PTCHD1: variants seen among roughly 807,000 people sequenced by gnomAD.
PTCHD1 encodes the protein patched domain containing 1.
In PTCHD1, 3 loss-of-function variants were observed where a neutral mutation model predicts 34.6. The ratio of observed to expected loss-of-function variants is 0.09; its 90% CI spans 0.04 to 0.22. The LOEUF is 0.22. Among genes scored for constraint, PTCHD1 ranks in the 10% least tolerant of loss-of-function variants. PTCHD1 has a pLI of 1.00. For missense variants in PTCHD1, 504 were observed against 685.5 expected, an observed-to-expected ratio of 0.74 and a Z score of 2.96; for synonymous variants, 305 against 283.1, an observed-to-expected ratio of 1.08 and a Z score of -0.77.
chrX:23,372,690 A>G (rs940261747), intron 1 of PTCHD1, among the ~76,000 whole-genome samples: 1 of 111,306 alleles, frequency 9.0e-6, no homozygotes, highest in African/African-American at 3.3e-5. Flanking sequence ...CCCAAGCCCA[A>G]ACATTTGGTT....
rs1923187704 is a variant in PTCHD1 at position 23,404,334 on chromosome X, T to A, written c.*10149T>A. 8.9e-6 allele frequency: 1 copy of A among 112,125 alleles called. No homozygotes were observed. The highest frequency in any genetic ancestry group is 9.5e-5 in the Admixed American group (1 of 10,565). 9.2% of individuals were successfully genotyped at this position (112,125 alleles called of 1,213,427 possible). A position where few individuals can be genotyped will look rare whatever the true frequency, so the allele number is the denominator to read the frequency against. ...GGATACAATGTGATGTTTTGATATATGTATGCATTGTGGAATGATTAAATC... is the reference window on the plus strand; with the variant it reads ...GGATACAATGTGATGTTTTGATATAAGTATGCATTGTGGAATGATTAAATC... On this transcript the variant is annotated 3_prime_UTR_variant, in exon 3 of 3. Coordinates refer to ENST00000379361, the MANE Select transcript of PTCHD1 (RefSeq NM_173495.3).
chrX:23,370,493 GAGA>G (rs1454617161), intron 1 of PTCHD1, among the ~76,000 whole-genome samples: 1 of 112,200 alleles, frequency 8.9e-6, no homozygotes, highest in Non-Finnish European at 1.9e-5. Context: ...CTTGAGAACA[GAGA>G]AGAATTATTG....
chrX:23,335,378 C>T (rs1921140495), intron 1 of PTCHD1, 152 bp downstream of exon 1: 1 of 485,369 alleles, frequency 2.1e-6, no homozygotes, highest in East Asian at 3.7e-5. Flanking sequence ...GGGCGGCCGA[C>T]TGGAGCCTCC....
Position 23,393,238 on chromosome X carries a change from G to T in PTCHD1, c.1720G>T (p.Asp574Tyr). 8.3e-7 allele frequency: 1 copy of T among 1,208,637 alleles called. No homozygotes were observed. The highest frequency in any genetic ancestry group is 1.1e-6 in the Non-Finnish European group (1 of 892,579). Residue 574 changes from aspartate (D) to tyrosine (Y), a missense_variant, in exon 3 of 3, where the codon GAT becomes TAT. Transcript: ENST00000379361. ...ATACTGGAACACTAGTGTCCAAGAA[G>T]ATGTTCTAGAATACACCAAGGGGTT... The part of the protein sequence containing the change: ...IEYWNTSVQE[D>Y]VLEYTKGFVR...
chrX:23,372,277 G>T (rs1922301590), intron 1 of PTCHD1, among the ~76,000 whole-genome samples: 1 of 109,667 alleles, frequency 9.1e-6, no homozygotes, highest in South Asian at 4.1e-4. Context: ...TTAAGTGTCT[G>T]GAAGAAGAAT....
rs761901429 is a variant in PTCHD1 at position 23,377,001 on chromosome X, G to A, written c.352-2590G>A. Among the ~76,000 whole-genome samples, 3 of 112,013 alleles carry A rather than the reference G, an allele frequency of 2.7e-5. No homozygotes were observed. The South Asian group carries it at 1.1e-3, about 42-fold the overall frequency. On this transcript the variant is annotated intron_variant, in intron 1 of 2. Coordinates refer to ENST00000379361, the MANE Select transcript of PTCHD1 (RefSeq NM_173495.3). ...TAACATGGTGTCTGTTTTCTTCGAT[G>A]TATGGTCCTGGGGTCATAGCAGTAG...
rs1923133592 is a variant in PTCHD1, at chrX:23,401,921, A to G, written c.*7736A>G. 8.9e-6 allele frequency: 1 copy of G among 112,779 alleles called. No homozygotes were observed. The highest frequency in any genetic ancestry group is 1.9e-5 in the Non-Finnish European group (1 of 53,341). 9.3% of individuals were successfully genotyped at this position (112,779 alleles called of 1,213,427 possible). ...AACAGTTTCACAGTGGGAAAATTGC[A>G]TTTGTTGGAATTTTCCAAGTCATAA... On this transcript the variant is annotated 3_prime_UTR_variant, in exon 3 of 3. Transcript: ENST00000379361.
chrX:23,387,666 A>C (rs1220224996), intron 2 of PTCHD1, among the ~76,000 whole-genome samples: 1 of 111,519 alleles, frequency 9.0e-6, no homozygotes, highest in East Asian at 2.8e-4. Context: ...GCCTGACAAA[A>C]ACCTCGAGCT....
Position 23,347,865 on chromosome X carries a change from CAG to C in PTCHD1, c.351+12640_351+12641del, listed in dbSNP as rs778727812. 2.8e-4 allele frequency among the ~76,000 whole-genome samples: 31 copies of C among 111,368 alleles called. No individual in the cohort carries two copies. In the East Asian group the frequency reaches 8.2e-3, roughly 29 times the overall value. On this transcript the variant is annotated intron_variant, in intron 1 of 2. Transcript: ENST00000379361. ...TACAAAAAAATTTAAAAAATATTAA[CAG>C]GGCATGGTGGTACATGCCTGTAGTC... is the stretch of plus-strand genomic sequence containing the variant.
At chrX:23,347,219 C>T (rs1450210180) in intron 1 of PTCHD1, among the ~76,000 whole-genome samples, 3 of 111,759 alleles carry the variant, frequency 2.7e-5, no homozygotes, top group African/African-American at 9.8e-5. Flanking sequence ...GAATAGAAGA[C>T]AGGAAAAAAC....
Position 23,404,033 on chromosome X carries a change from C to G in PTCHD1, c.*9848C>G, listed in dbSNP as rs1468536650. 5 of 112,271 alleles carry G rather than the reference C, an allele frequency of 4.5e-5. No homozygotes were observed. Among genetic ancestry groups the G allele is most frequent in the Non-Finnish European group, 9.4e-5 (5 of 53,267 alleles). 9.3% of individuals were successfully genotyped at this position (112,271 alleles called of 1,213,427 possible). A position where few individuals can be genotyped will look rare whatever the true frequency, so the allele number is the denominator to read the frequency against. On this transcript the variant is annotated 3_prime_UTR_variant, in exon 3 of 3. Transcript: ENST00000379361. ...TGGCAATTCCACCGTTCCTCTCCAT[C>G]TGACCAGCTTTCACCAGAGGGCGAT...
intron 2 of PTCHD1, among the ~76,000 whole-genome samples, chrX:23,391,222 A>G (rs188053290): frequency 8.9e-6 from 1 of 111,763 alleles, no homozygotes. Context: ...CAGGAGGCGA[A>G]GGCACTAAGC....
intron 1 of PTCHD1, among the ~76,000 whole-genome samples, chrX:23,365,700 G>A (rs779483544): frequency 1.2e-4 from 13 of 111,677 alleles, no homozygotes; most frequent in Non-Finnish European, 1.9e-4. Flanking sequence ...TGCTCCTAAG[G>A]AGTGTTAATT....
At chrX:23,390,238 G>A (rs1400516232) in intron 2 of PTCHD1, among the ~76,000 whole-genome samples, 1 of 106,739 alleles carries the variant, frequency 9.4e-6, no homozygotes. Flanking sequence ...TTTCTGGCAA[G>A]TAAATATCAT....
chrX:23,366,273 G>T (rs1385833091), intron 1 of PTCHD1, among the ~76,000 whole-genome samples: 1 of 111,685 alleles, frequency 9.0e-6, no homozygotes. Context: ...CACACTGCAG[G>T]CAGACTGAAC....
At chrX:23,360,840 TTTG>T (rs1376145728) in intron 1 of PTCHD1, among the ~76,000 whole-genome samples, 1 of 112,522 alleles carries the variant, frequency 8.9e-6, no homozygotes, top group Non-Finnish European at 1.9e-5. Context: ...GACATTCTGG[TTTG>T]TTGTGTCTTT....
chrX:23,368,571 G>A (rs1028355914), intron 1 of PTCHD1, among the ~76,000 whole-genome samples: 8 of 111,496 alleles, frequency 7.2e-5, no homozygotes, highest in South Asian at 3.8e-4. Context: ...AATCCCTGCC[G>A]TCGTGAAGCA....
rs963130097 is a variant in PTCHD1 at position 23,397,488 on chromosome X, G to C, written c.*3303G>C. ...GCTCATAAGTTTTACTTTGTTTTGG[G>C]TTTTGGAGTTTTTAGTTTCTTTGAT... On this transcript the variant is annotated 3_prime_UTR_variant, in exon 3 of 3. Coordinates refer to ENST00000379361, the MANE Select transcript of PTCHD1 (RefSeq NM_173495.3). The C allele has an allele frequency of 2.7e-5, 3 of 111,754 alleles. No individual in the cohort carries two copies. The highest frequency in any genetic ancestry group is 1.9e-4 in the Admixed American group (2 of 10,505). 9.2% of individuals were successfully genotyped at this position (111,754 alleles called of 1,213,427 possible). A position where few individuals can be genotyped will look rare whatever the true frequency, so the allele number is the denominator to read the frequency against.
chrX:23,334,595 G>A (rs1424364363), upstream of PTCHD1: 1 of 107,385 alleles, frequency 9.3e-6, no homozygotes, highest in Non-Finnish European at 2.0e-5. Context: ...CGGTAGGGCG[G>A]AGTGGGGGCG....
Sources: allele counts gnomAD v4.1 joint callset (sites outside exome capture counted in the v4.1 genomes callset), GRCh38; gene constraint gnomAD v4.1.1; transcripts MANE v1.5; gene names NCBI Gene and HGNC (gene_info 2026-07-23, HGNC 2026-07-21).